GRIA2: variants seen among roughly 807,000 people sequenced by gnomAD.
GRIA2 encodes the protein glutamate receptor 2.
Under a neutral mutation model 97.3 loss-of-function variants are expected in GRIA2, and 14 were observed. The observed-to-expected ratio is 0.14, with a 90% confidence interval of 0.10 to 0.23. The LOEUF (loss-of-function observed/expected upper bound fraction) is 0.23, where lower values mean the gene tolerates loss of function less well. Ranked by LOEUF, GRIA2 falls within the 10% of genes least tolerant of loss-of-function variation. The pLI is 1.00. For missense variants in GRIA2, 558 were observed against 1,069.8 expected (o/e 0.52, Z 6.67); for synonymous variants, 412 against 387.8 (o/e 1.06, Z -0.73).
chr4:157,317,823 G>C, intron 5 of GRIA2, 112 bp downstream of exon 5: 2 of 552,226 alleles, frequency 3.6e-6, no homozygotes, highest in Non-Finnish European at 3.3e-6. Flanking sequence ...CAGTTTGATT[G>C]TAATTAGCCA....
chr4:157,276,539 A>G (rs1278046327), intron 2 of GRIA2, among the ~76,000 whole-genome samples: 1 of 152,132 alleles, frequency 6.6e-6, no homozygotes. Context: ...TGGAGCAGAA[A>G]GAAATGAAAT....
At chr4:157,236,413 C>T (rs556243260) in intron 2 of GRIA2, among the ~76,000 whole-genome samples, 1 of 152,108 alleles carries the variant, frequency 6.6e-6, no homozygotes, top group East Asian at 1.9e-4. Context: ...TAACATAAAT[C>T]GGAGTTCTGC....
At chr4:157,271,360 A>G (rs1327632118) in intron 2 of GRIA2, among the ~76,000 whole-genome samples, 7 of 152,068 alleles carry the variant, frequency 4.6e-5, no homozygotes, top group Non-Finnish European at 1.0e-4. Flanking sequence ...GCTAACCACA[A>G]GCCACAGGTT....
chr4:157,330,569 T>A (rs368031948), intron 6 of GRIA2, among the ~76,000 whole-genome samples: 21 of 152,068 alleles, frequency 1.4e-4, no homozygotes, highest in African/African-American at 3.9e-4. Flanking sequence ...GTTAGAATAC[T>A]GTTTTCTGGT....
chr4:157,285,482 T>C (rs1732796715), intron 2 of GRIA2, among the ~76,000 whole-genome samples: 2 of 151,764 alleles, frequency 1.3e-5, no homozygotes, highest in South Asian at 4.1e-4. Flanking sequence ...TAATTTACAA[T>C]GACATTGACT....
intron 2 of GRIA2, among the ~76,000 whole-genome samples, chr4:157,267,235 C>T (rs1458131458): frequency 6.6e-6 from 1 of 151,408 alleles, no homozygotes; most frequent in East Asian, 1.9e-4. Flanking sequence ...ACCAGCCTGG[C>T]CAATATGGTG....
chr4:157,226,330 A>G (rs551712197), intron 2 of GRIA2, among the ~76,000 whole-genome samples: 74 of 152,196 alleles, frequency 4.9e-4, no homozygotes, highest in African/African-American at 1.7e-3. Context: ...ATTTAGATAA[A>G]TTGAAAAAAA....
chr4:157,223,962 T>G (rs1362416590), intron 2 of GRIA2, among the ~76,000 whole-genome samples: 1 of 152,220 alleles, frequency 6.6e-6, no homozygotes, highest in Non-Finnish European at 1.5e-5. Context: ...AATTTTTAAA[T>G]AGAAATTTTT....
At chr4:157,332,009 C>T (rs552074031) in intron 6 of GRIA2, among the ~76,000 whole-genome samples, 1 of 152,104 alleles carries the variant, frequency 6.6e-6, no homozygotes, top group African/African-American at 2.4e-5. Context: ...GAAATTTTCT[C>T]AACGTTCAGT....
chr4:157,276,959 T>C (rs1435351898), intron 2 of GRIA2, among the ~76,000 whole-genome samples: 1 of 151,898 alleles, frequency 6.6e-6, no homozygotes, highest in African/African-American at 2.4e-5. Flanking sequence ...CCAGATAAGT[T>C]TACTGGTGAA....
chr4:157,269,919 C>A (rs1163010102), intron 2 of GRIA2, among the ~76,000 whole-genome samples: 1 of 151,830 alleles, frequency 6.6e-6, no homozygotes, highest in Non-Finnish European at 1.5e-5. Context: ...TATATAAGTA[C>A]CTTGAAAAGT....
Position 157,237,077 on chromosome 4 carries a change from T to C in GRIA2, c.229+15270T>C, listed in dbSNP as rs79885944. ...TTTTGTGCCTTGCTCAGAAAAACATTTCCCACCGTAGTTTATTTTTTTTAA... is the reference window on the plus strand; with the variant it reads ...TTTTGTGCCTTGCTCAGAAAAACATCTCCCACCGTAGTTTATTTTTTTTAA... On this transcript the variant is annotated intron_variant, in intron 2 of 15. Transcript: ENST00000264426. Among the ~76,000 whole-genome samples the C allele has an allele frequency of 3.1e-3, 466 of 152,204 alleles. 7 individuals are homozygous for C. The East Asian group carries it at 0.049, about 16-fold the overall frequency.
At chr4:157,285,612 T>C (rs1732805796) in intron 2 of GRIA2, among the ~76,000 whole-genome samples, 1 of 150,818 alleles carries the variant, frequency 6.6e-6, no homozygotes, top group Non-Finnish European at 1.5e-5. Flanking sequence ...GGTTAATAAA[T>C]TTCCTCAAAA....
chr4:157,278,826 CT>C (rs1351703190), intron 2 of GRIA2, among the ~76,000 whole-genome samples: 6 of 151,940 alleles, frequency 3.9e-5, no homozygotes, highest in Non-Finnish European at 8.8e-5. Flanking sequence ...GAACACACAT[CT>C]CATTGAAGAA....
chr4:157,302,925 A>T (rs796444917), intron 2 of GRIA2, among the ~76,000 whole-genome samples: 10 of 152,332 alleles, frequency 6.6e-5, no homozygotes, highest in African/African-American at 2.4e-4. Context: ...GTAGTGTAAC[A>T]TATAGGGTAA....
chr4:157,258,163 C>T (rs1398939387), intron 2 of GRIA2, among the ~76,000 whole-genome samples: 1 of 152,034 alleles, frequency 6.6e-6, no homozygotes, highest in South Asian at 2.1e-4. Flanking sequence ...GACAAAAGAA[C>T]AGGATAACAG....
chr4:157,251,142 T>C (rs1359531714), intron 2 of GRIA2, among the ~76,000 whole-genome samples: 1 of 152,104 alleles, frequency 6.6e-6, no homozygotes, highest in African/African-American at 2.4e-5. Context: ...ATTGTCATTT[T>C]AAATGAAGGA....
chr4:157,239,033 T>C (rs1197781879), intron 2 of GRIA2, among the ~76,000 whole-genome samples: 1 of 152,158 alleles, frequency 6.6e-6, no homozygotes, highest in Non-Finnish European at 1.5e-5. Context: ...ATTGTATGAG[T>C]TGTTTATTCA....
Position 157,226,744 on chromosome 4 carries a change from G to A in GRIA2, c.229+4937G>A, listed in dbSNP as rs1226136124. On this transcript the variant is annotated intron_variant, in intron 2 of 15. Coordinates refer to ENST00000264426, the MANE Select transcript of GRIA2 (RefSeq NM_001083619.3). ...ATCCTGTTTTGTCATGTTTGTTGAGGTATTTACTAACACCTAGAGTTACTG... is the reference window on the plus strand; with the variant it reads ...ATCCTGTTTTGTCATGTTTGTTGAGATATTTACTAACACCTAGAGTTACTG... Among the ~76,000 whole-genome samples, 3 of 152,142 alleles carry A rather than the reference G, an allele frequency of 2.0e-5. No homozygotes were observed. In the East Asian group the frequency reaches 5.8e-4, roughly 29 times the overall value.
Sources: allele counts gnomAD v4.1 joint callset (sites outside exome capture counted in the v4.1 genomes callset), GRCh38; gene constraint gnomAD v4.1.1; transcripts MANE v1.5; gene names NCBI Gene and HGNC (gene_info 2026-07-23, HGNC 2026-07-21).